CLEC16A: variants seen among roughly 807,000 people sequenced by gnomAD.
The protein encoded by CLEC16A is C-type lectin domain containing 16A, also known as protein CLEC16A.
Under a neutral mutation model 109.5 loss-of-function variants are expected in CLEC16A, and 51 were observed. The observed-to-expected ratio is 0.47, with a 90% CI of 0.37 to 0.59. The LOEUF is 0.59. Ranked by LOEUF, CLEC16A falls within the 20% of genes least tolerant of loss-of-function variation. The pLI is 0.00. For missense variants in CLEC16A, 1,339 were observed against 1,394.0 expected (o/e 0.96, Z 0.63); for synonymous variants, 673 against 564.2 (o/e 1.19, Z -2.73).
chr16:11,116,974 G>A (rs7186106), intron 19 of CLEC16A, among the ~76,000 whole-genome samples: 51,406 of 152,054 alleles, frequency 0.34, 8,765 homozygotes, highest in Middle Eastern at 0.41. Flanking sequence ...AATGTAGTAC[G>A]TATACACTAT....
chr16:11,012,509 G>T (rs2045483983), intron 11 of CLEC16A, among the ~76,000 whole-genome samples: 1 of 149,362 alleles, frequency 6.7e-6, no homozygotes, highest in African/African-American at 2.5e-5. Context: ...GCAGGAGAAT[G>T]GCGTGAACCC....
intron 19 of CLEC16A, among the ~76,000 whole-genome samples, chr16:11,115,297 G>A (rs1476167077): frequency 6.6e-6 from 1 of 152,146 alleles, no homozygotes; most frequent in Non-Finnish European, 1.5e-5. Context: ...AGAAAGGAAA[G>A]AACATGTTTA....
At chr16:11,133,210 G>A (rs1237712977) in intron 22 of CLEC16A, among the ~76,000 whole-genome samples, 1 of 152,030 alleles carries the variant, frequency 6.6e-6, no homozygotes, top group East Asian at 1.9e-4. Flanking sequence ...GTGGTGGCGG[G>A]CACCTGTAGT....
chr16:11,157,932 G>A (rs556068917), intron 22 of CLEC16A, among the ~76,000 whole-genome samples: 12 of 152,274 alleles, frequency 7.9e-5, no homozygotes, highest in African/African-American at 2.9e-4. Context: ...TGCTTCTTGA[G>A]TCAGAAGCAC....
At chr16:11,060,605 T>C (rs573205291) in intron 18 of CLEC16A, among the ~76,000 whole-genome samples, 1 of 152,180 alleles carries the variant, frequency 6.6e-6, no homozygotes, top group South Asian at 2.1e-4. Context: ...GGGATTATTA[T>C]GAAGGTCACC....
intron 22 of CLEC16A, chr16:11,126,367 G>C: frequency 1.4e-6 from 2 of 1,449,486 alleles, no homozygotes; most frequent in Non-Finnish European, 1.8e-6. Flanking sequence ...GTTTTCCAGA[G>C]ATTTGTTGGG....
chr16:11,137,329 GT>G (rs2053615307), intron 22 of CLEC16A, among the ~76,000 whole-genome samples: 1 of 151,982 alleles, frequency 6.6e-6, no homozygotes, highest in African/African-American at 2.4e-5. Context: ...CCTTAATTCT[GT>G]ATGTAAGTTG....
chr16:11,112,511 A>AAT (rs1228938408), intron 19 of CLEC16A, among the ~76,000 whole-genome samples: 1 of 151,524 alleles, frequency 6.6e-6, no homozygotes, highest in Non-Finnish European at 1.5e-5. Flanking sequence ...AAAAAAAAAA[A>AAT]AAAAGATTAC....
chr16:11,070,097 G>A (rs1379259388), intron 19 of CLEC16A, among the ~76,000 whole-genome samples: 2 of 150,390 alleles, frequency 1.3e-5, no homozygotes, highest in Admixed American at 1.3e-4. Flanking sequence ...TTGAGACGGA[G>A]TCTCACCCTA....
In CLEC16A at chr16:11,166,485, C is replaced by T. The variant is rs778043580; in HGVS notation, c.2739C>T (p.Ser913=). ...GCGGGAGCCCCAGCGGCAGCGGGAG[C>T]ACCAGCCACTGCGACTCTGGAGGCA... ...SASGSPSGSG[S]TSHCDSGGTS... is the part of the protein sequence containing the mutation. Residue 913 remains serine (S), a synonymous_variant, in exon 23 of 24, where the codon AGC becomes AGT. Transcript: ENST00000409790. The T allele has an allele frequency of 3.1e-6, 5 of 1,609,018 alleles. No homozygotes were observed. Among genetic ancestry groups the T allele is most frequent in the African/African-American group, 2.7e-5 (2 of 74,938 alleles).
At chr16:10,979,708 C>T (rs754103373) in intron 9 of CLEC16A, among the ~76,000 whole-genome samples, 7 of 152,274 alleles carry the variant, frequency 4.6e-5, no homozygotes, top group African/African-American at 7.2e-5. Flanking sequence ...TGGGCTGCAT[C>T]GCTTTTACTC....
chr16:11,152,558 C>T (rs1050803649), intron 22 of CLEC16A, among the ~76,000 whole-genome samples: 1 of 152,224 alleles, frequency 6.6e-6, no homozygotes, highest in Non-Finnish European at 1.5e-5. Context: ...GGGCCAGTGC[C>T]AATCCCCTCT....
Position 11,123,891 on chromosome 16 carries a change from G to T in CLEC16A, c.2418G>T (p.Gln806His), listed in dbSNP as rs902398383. ...ACATCCGCTGCATCATCGCCAAGCA[G>T]CGCCTGGCCAAAGGCCGCATCCAGG... ...SDHIRCIIAKQRLAKGRIQAR... is the reference protein window; with the variant it reads ...SDHIRCIIAKHRLAKGRIQAR... Residue 806 changes from glutamine (Q) to histidine (H), a missense_variant, in exon 21 of 24, where the codon CAG (glutamine) becomes CAT (histidine). By Grantham distance (24) the Gln-to-His change is conservative. This residue lies in a region of CLEC16A where 1,061 missense variants were observed against 1,006.8 expected (regional missense o/e 1.05). Transcript: ENST00000409790. 1 of 1,613,820 alleles carries T rather than the reference G, an allele frequency of 6.2e-7. No individual in the cohort carries two copies. Among genetic ancestry groups the T allele is most frequent in the African/African-American group, 1.3e-5 (1 of 74,936 alleles).
At chr16:11,034,855 A>G (rs374618585) in intron 13 of CLEC16A, among the ~76,000 whole-genome samples, 2 of 152,328 alleles carry the variant, frequency 1.3e-5, no homozygotes, top group African/African-American at 4.8e-5. Flanking sequence ...GTTTGCAGCA[A>G]AACCTGCCTT....
chr16:11,109,871 G>T (rs184435445), intron 19 of CLEC16A, among the ~76,000 whole-genome samples: 3 of 152,322 alleles, frequency 2.0e-5, no homozygotes, highest in East Asian at 1.9e-4. Context: ...AACTCCAGCC[G>T]TAGCCTAAAA....
At chr16:11,033,811 G>A (rs944763061) in intron 13 of CLEC16A, among the ~76,000 whole-genome samples, 38 of 152,332 alleles carry the variant, frequency 2.5e-4, no homozygotes, top group African/African-American at 7.7e-4. Context: ...AGGGTTGACC[G>A]GTTGGCGGAA....
chr16:11,112,027 T>C (rs1330269266), intron 19 of CLEC16A, among the ~76,000 whole-genome samples: 3 of 152,232 alleles, frequency 2.0e-5, no homozygotes, highest in Non-Finnish European at 4.4e-5. Flanking sequence ...AGCTGTTAAA[T>C]GGTGTAGAGT....
rs573314488 is a variant in CLEC16A, at chr16:11,008,924, G to T, written c.1303+5619G>T. On this transcript the variant is annotated intron_variant, in intron 11 of 23. Transcript: ENST00000409790. Reference sequence around the variant, plus strand: ...TGAGGCAGGAGAATGGCGTGAACCCGGGAGGCGGAGCTTGCAGTGAGCCGA... The same window carrying T: ...TGAGGCAGGAGAATGGCGTGAACCCTGGAGGCGGAGCTTGCAGTGAGCCGA... Among the ~76,000 whole-genome samples the T allele has an allele frequency of 4.4e-3, 668 of 151,920 alleles. 7 individuals carry two copies. The highest frequency in any genetic ancestry group is 0.016 in the African/African-American group (642 of 41,406).
intron 20 of CLEC16A, 66 bp downstream of exon 20, chr16:11,120,832 A>ACACACAC: frequency 8.3e-7 from 1 of 1,209,480 alleles, no homozygotes; most frequent in Admixed American, 3.3e-5. Context: ...ACACACACAC[A>ACACACAC]CACACACCAC....
Sources: allele counts gnomAD v4.1 joint callset (sites outside exome capture counted in the v4.1 genomes callset), GRCh38; gene constraint gnomAD v4.1.1; regional missense constraint gnomAD v4.1.1; transcripts MANE v1.5; gene names NCBI Gene and HGNC (gene_info 2026-07-23, HGNC 2026-07-21).